ZFYVE26: variants seen among roughly 807,000 people sequenced by gnomAD.
ZFYVE26 encodes zinc finger FYVE domain-containing protein 26.
A neutral mutation model predicts 276.5 loss-of-function variants in ZFYVE26; 181 were observed. That is an observed-to-expected ratio of 0.65 (90% confidence interval 0.58 to 0.74). The LOEUF (loss-of-function observed/expected upper bound fraction) is 0.74, where lower values mean the gene tolerates loss of function less well. Among genes scored for constraint, ZFYVE26 ranks in the 30% least tolerant of loss-of-function variants. The pLI is 0.00. For synonymous variants in ZFYVE26, 1,129 were observed against 1,203.1 expected, an observed-to-expected ratio of 0.94 and a Z score of 1.27; for missense variants, 2,821 against 3,097.9, an observed-to-expected ratio of 0.91 and a Z score of 2.12.
intron 23 of ZFYVE26, 119 bp downstream of exon 23, chr14:67,780,121 TG>T: frequency 2.1e-6 from 2 of 963,186 alleles, no homozygotes; most frequent in Non-Finnish European, 3.2e-6. Context: ...GGCCAGAATG[TG>T]GTATAGTTAT....
chr14:67,812,162 C>A (rs1015258570), intron 3 of ZFYVE26, among the ~76,000 whole-genome samples: 3 of 152,026 alleles, frequency 2.0e-5, no homozygotes, highest in Non-Finnish European at 4.4e-5. Flanking sequence ...TTGCCAAATA[C>A]TTTTGAATAG....
chr14:67,799,956 T>C (rs2140244981), intron 10 of ZFYVE26, among the ~76,000 whole-genome samples: 1 of 152,302 alleles, frequency 6.6e-6, no homozygotes, highest in African/African-American at 2.4e-5. Context: ...GTGATGTGCG[T>C]TGTCTGTTAG....
At chr14:67,777,471 C>G in intron 25 of ZFYVE26, 88 bp downstream of exon 25, 1 of 1,604,208 alleles carries the variant, frequency 6.2e-7, no homozygotes. Flanking sequence ...CTCGCAGTCT[C>G]TCCCTCAGGT....
In ZFYVE26 at chr14:67,781,547, TGCTCA is replaced by T. The variant is rs769101496; in HGVS notation, c.4373-23_4373-19del. 4 of 1,613,336 alleles carry T rather than the reference TGCTCA, an allele frequency of 2.5e-6. No homozygotes were observed. In the African/African-American group the frequency reaches 5.3e-5, roughly 22 times the overall value. On this transcript the variant is annotated intron_variant, in intron 21 of 41. Coordinates refer to ENST00000347230, the MANE Select transcript of ZFYVE26 (RefSeq NM_015346.4). The stretch of plus-strand genomic sequence containing the variant: ...TTCTTTGTCTATAAGACAAAAAAGA[TGCTCA>T]GAGGCAGCAAGCGTGGGACCAGAAG...
chr14:67,741,798 T>C (rs1157492009), downstream of ZFYVE26, among the ~76,000 whole-genome samples: 1 of 152,200 alleles, frequency 6.6e-6, no homozygotes, highest in Non-Finnish European at 1.5e-5. Flanking sequence ...CCTGACCTTC[T>C]CCTAATCACT....
At chr14:67,731,903 G>T (rs1210289483) in intron 13 of ZFYVE26, among the ~76,000 whole-genome samples, 2 of 151,864 alleles carry the variant, frequency 1.3e-5, no homozygotes. Flanking sequence ...GAGGTGGGTG[G>T]ATCACTTGAG....
intron 9 of ZFYVE26, among the ~76,000 whole-genome samples, chr14:67,803,052 A>C (rs1234651396): frequency 2.0e-5 from 3 of 152,218 alleles, no homozygotes; most frequent in Non-Finnish European, 4.4e-5. Context: ...ACTATTAGTC[A>C]ATTAAAAATA....
intron 13 of ZFYVE26, 26 bp downstream of exon 13, chr14:67,794,145 T>G: frequency 6.2e-7 from 1 of 1,612,390 alleles, no homozygotes; most frequent in African/African-American, 1.3e-5. Flanking sequence ...CTGCTCAAAG[T>G]TGGCAACTGG....
chr14:67,759,252 A>G (rs1286496800), intron 35 of ZFYVE26, among the ~76,000 whole-genome samples: 3 of 147,866 alleles, frequency 2.0e-5, no homozygotes, highest in African/African-American at 5.1e-5. Context: ...CTGAAAAAAA[A>G]AAAAAAAAAA....
chr14:67,798,298 T>A lies in ZFYVE26; in HGVS notation c.1964A>T (p.Asp655Val), dbSNP rs753134150. 1 of 1,614,098 alleles carries A rather than the reference T, an allele frequency of 6.2e-7. No individual in the cohort carries two copies. Among genetic ancestry groups the A allele is most frequent in the South Asian group, 1.1e-5 (1 of 91,074 alleles). ...GTGCCTATGAGGCCCTGGGTAACTG[T>A]CTTTTGGCTCTGCCTTCACATGGCT... Reference protein sequence around the residue: ...MPSHVKAEPKDSYPGPHRHSF... With the variant: ...MPSHVKAEPKVSYPGPHRHSF... Residue 655 changes from aspartate to valine, a missense_variant, in exon 11 of 42, where the codon GAC becomes GTC. Asp to Val is a radical substitution (Grantham distance 152, BLOSUM62 -3). Coordinates refer to ENST00000347230, the MANE Select transcript of ZFYVE26 (RefSeq NM_015346.4).
chr14:67,734,672 AC>A (rs1373624553), intron 13 of ZFYVE26, among the ~76,000 whole-genome samples: 2 of 152,234 alleles, frequency 1.3e-5, no homozygotes, highest in African/African-American at 4.8e-5. Flanking sequence ...AGTTAGGCAG[AC>A]AGAGAAAAAG....
At chr14:67,740,604 C>G (rs200331033) in intron 13 of ZFYVE26, among the ~76,000 whole-genome samples, 1 of 152,080 alleles carries the variant, frequency 6.6e-6, no homozygotes, top group Non-Finnish European at 1.5e-5. Context: ...TCCTTTACAC[C>G]TATACACCTA....
intron 13 of ZFYVE26, among the ~76,000 whole-genome samples, chr14:67,730,338 T>C (rs2038253075): frequency 6.6e-6 from 1 of 152,222 alleles, no homozygotes. Context: ...ACTTGAAATA[T>C]GGCTAGTCCA....
downstream of ZFYVE26, among the ~76,000 whole-genome samples, chr14:67,744,984 G>A (rs528935134): frequency 1.3e-5 from 2 of 152,226 alleles, no homozygotes; most frequent in South Asian, 2.1e-4. Context: ...TTAAGGAATC[G>A]CCACACTGTC....
rs554371710 is a variant in ZFYVE26, at chr14:67,783,490, A to T, written c.3662T>A (p.Leu1221Gln). 43 of 1,613,776 alleles carry T rather than the reference A, an allele frequency of 2.7e-5. No homozygotes were observed. In the Admixed American group the frequency reaches 5.5e-4, roughly 21 times the overall value. The change falls in exon 21 of 42, where the codon CTA becomes CAA. Residue 1221 changes from leucine (L) to glutamine (Q), a missense_variant. Coordinates refer to ENST00000347230, the MANE Select transcript of ZFYVE26 (RefSeq NM_015346.4). ...AALLAQENLSLSVPQVIVSCC... is the reference protein window; with the variant it reads ...AALLAQENLSQSVPQVIVSCC... ...GCTGACGATGACCTGTGGCACACTT[A>T]GGCTGAGATTCTCTTGGGCCAGAAG...
intron 16 of ZFYVE26, among the ~76,000 whole-genome samples, chr14:67,787,441 C>A (rs2039687586): frequency 6.6e-6 from 1 of 152,040 alleles, no homozygotes. Flanking sequence ...AATTCAATTG[C>A]ACATTTAACA....
intron 3 of ZFYVE26, among the ~76,000 whole-genome samples, chr14:67,812,799 A>C (rs766341931): frequency 6.6e-6 from 1 of 152,242 alleles, no homozygotes; most frequent in Non-Finnish European, 1.5e-5. Flanking sequence ...TTTGTACTAG[A>C]GAGATCCCTT....
At chr14:67,763,848 G>A (rs1038556266) in intron 32 of ZFYVE26, among the ~76,000 whole-genome samples, 1 of 152,172 alleles carries the variant, frequency 6.6e-6, no homozygotes, top group Non-Finnish European at 1.5e-5. Flanking sequence ...TGTATGTTAG[G>A]GGCTTACAAG....
Position 67,748,312 on chromosome 14 carries a change from C to A in ZFYVE26, c.*124G>T. The A allele has an allele frequency of 8.7e-7, 1 of 1,150,132 alleles. No individual in the cohort carries two copies. Among genetic ancestry groups the A allele is most frequent in the East Asian group, 2.6e-5 (1 of 39,164 alleles). The allele number at this position is 1,150,132 out of a possible 1,614,324, so 71.2% of individuals were successfully genotyped here. ...GGAAGGCAAGTAGGGTCCAATCCAA[C>A]TCTTTCCAACCTAGGGCAGAGCCAG... On this transcript the variant is annotated 3_prime_UTR_variant, in exon 42 of 42. Transcript: ENST00000347230.
Sources: gnomAD v4.1 joint callset for allele counts (sites outside exome capture counted in the v4.1 genomes callset) on GRCh38, gnomAD v4.1.1 for gene constraint, MANE v1.5 for transcripts, NCBI Gene and HGNC (gene_info 2026-07-23, HGNC 2026-07-21) for gene names.